Variants in PREB observed in about 807,000 individuals in gnomAD.
PREB encodes guanine nucleotide-exchange factor SEC12.
Under a neutral mutation model 46.7 loss-of-function variants are expected in PREB, and 29 were observed. The observed-to-expected ratio is 0.62, with a 90% confidence interval of 0.46 to 0.85. The LOEUF is 0.85. Among genes scored for constraint, PREB ranks in the 40% least tolerant of loss-of-function variants. PREB has a pLI of 0.00. For synonymous variants in PREB, 224 were observed against 220.1 expected (o/e 1.02, Z -0.16); for missense variants, 494 against 528.4 (o/e 0.93, Z 0.64).
In PREB at chr2:27,132,290, T is replaced by C. The variant is rs1174136986; in HGVS notation, c.866A>G (p.Asn289Ser). Residue 289 changes from asparagine (N) to serine (S), a missense_variant, in exon 6 of 9, where the codon AAC (asparagine) becomes AGC (serine). Physicochemically the swap from Asn to Ser is conservative, Grantham distance 46. Coordinates refer to ENST00000260643, the MANE Select transcript of PREB (RefSeq NM_013388.6). The surrounding 1 kb of genome is among the most constrained non-coding windows in gnomAD (Gnocchi z 4.0). Reference protein sequence around the residue: ...PCYLTAWDGSNFLPLRTKSCG... With the variant: ...PCYLTAWDGSSFLPLRTKSCG... ...GGACTTGGTCCGAAGGGGCAAGAAG[T>C]TGGAGCCATCCCAGGCTGTGAGGTA... is the stretch of plus-strand genomic sequence containing the variant. The C allele has an allele frequency of 6.2e-7, 1 of 1,614,108 alleles. No individual in the cohort carries two copies. Among genetic ancestry groups the C allele is most frequent in the South Asian group, 1.1e-5 (1 of 91,080 alleles).
At position 27,132,682 on chromosome 2, in the gene PREB, C is replaced by G. The variant is rs532426126; in HGVS notation, c.673G>C (p.Asp225His). 8 of 1,614,082 alleles carry G rather than the reference C, an allele frequency of 5.0e-6. No individual in the cohort carries two copies. The South Asian group carries it at 7.7e-5, about 16-fold the overall frequency. Residue 225 changes from aspartate (D) to histidine (H), a missense_variant, in exon 5 of 9, where the codon GAT becomes CAT. Transcript: ENST00000260643. This position sits in a 1 kb window ranked among gnomAD's most constrained non-coding sequence, Gnocchi z 4.0. ...RDLKASVWQK[D>H]QLVTQLHWQE... Reference sequence around the variant, plus strand: ...CAGTGCAGCTGTGTCACCAGCTGATCCTTCTGCCACACAGAGGCCTTAAGG... The same window carrying G: ...CAGTGCAGCTGTGTCACCAGCTGATGCTTCTGCCACACAGAGGCCTTAAGG...
chr2:27,134,600 C>T lies in PREB; in HGVS notation c.-179G>A. Reference sequence around the variant, plus strand: ...CCATCAGCAGGAAGCCGAGCCTCAGCTCGGCTCCGTCCAAGTCGGTCTCGC... The same window carrying T: ...CCATCAGCAGGAAGCCGAGCCTCAGTTCGGCTCCGTCCAAGTCGGTCTCGC... On this transcript the variant is annotated 5_prime_UTR_variant, in exon 1 of 9. Transcript: ENST00000260643. The T allele has an allele frequency of 3.0e-6, 4 of 1,338,302 alleles. No individual in the cohort carries two copies. Among genetic ancestry groups the T allele is most frequent in the East Asian group, 3.0e-5 (1 of 32,838 alleles). 82.9% of individuals were successfully genotyped at this position (1,338,302 alleles called of 1,614,324 possible).
At chr2:27,131,886 G>A (rs1672292097) in intron 7 of PREB, 55 bp from the exon 8 acceptor site, 5 of 1,599,828 alleles carry the variant, frequency 3.1e-6, no homozygotes, top group Non-Finnish European at 4.3e-6. Context: ...CTCTCTTTCT[G>A]GAAAGCATGT....
chr2:27,131,612 G>A lies in PREB; in HGVS notation c.1159+60C>T, dbSNP rs1404312261. Reference sequence around the variant, plus strand: ...GGCACAAAGAGCCCAGCCTCCGGGGGGCACGTTTCTGGTCATTAAACGTGG... The same window carrying A: ...GGCACAAAGAGCCCAGCCTCCGGGGAGCACGTTTCTGGTCATTAAACGTGG... On this transcript the variant is annotated intron_variant, in intron 8 of 8. Transcript: ENST00000260643. 16 of 1,599,654 alleles carry A rather than the reference G, an allele frequency of 1.0e-5. No individual in the cohort carries two copies. In the African/African-American group the frequency reaches 1.6e-4, roughly 16 times the overall value.
Position 27,130,990 on chromosome 2 carries a change from A to T in PREB, c.*424T>A. On this transcript the variant is annotated 3_prime_UTR_variant, in exon 9 of 9. Coordinates refer to ENST00000260643, the MANE Select transcript of PREB (RefSeq NM_013388.6). ...TACCAGGCCAGTCCCTTCCCCAGCA[A>T]ATGCCAGGGGCTTCATGTGAAGAGG... The T allele has an allele frequency of 1.8e-6, 1 of 565,698 alleles. No homozygotes were observed. Among genetic ancestry groups the T allele is most frequent in the Non-Finnish European group, 3.1e-6 (1 of 317,638 alleles). 35.0% of individuals were successfully genotyped at this position (565,698 alleles called of 1,614,324 possible). A position where few individuals can be genotyped will look rare whatever the true frequency, so the allele number is the denominator to read the frequency against.
Position 27,132,725 on chromosome 2 carries a change from C to T in PREB, c.630G>A (p.Leu210=), listed in dbSNP as rs759543609. 2.4e-5 allele frequency: 39 copies of T among 1,614,046 alleles called. No homozygotes were observed. Among genetic ancestry groups the T allele is most frequent in the Non-Finnish European group, 3.3e-5 (39 of 1,180,028 alleles). Reference sequence around the variant, plus strand: ...CCTTAAGGTCCCGGCCCACGGTTACCAACTAGTTAGGAATAAAGATTCCAA... The same window carrying T: ...CCTTAAGGTCCCGGCCCACGGTTACTAACTAGTTAGGAATAAAGATTCCAA... ...EDLALGPDGK[L]VTVGRDLKAS... Residue 210 remains leucine, a splice_region_variant and synonymous_variant, in exon 5 of 9, where the codon TTG becomes TTA. Coordinates refer to ENST00000260643, the MANE Select transcript of PREB (RefSeq NM_013388.6). This position sits in a 1 kb window ranked among gnomAD's most constrained non-coding sequence, Gnocchi z 4.0.
At chr2:27,133,869 A>T in intron 1 of PREB, 148 bp from the exon 2 acceptor site, 2 of 633,226 alleles carry the variant, frequency 3.2e-6, no homozygotes, top group South Asian at 2.7e-5. Flanking sequence ...GGGCCTCACA[A>T]ATCTACACAG....
rs1239448614 is a variant in PREB, at chr2:27,132,465, G to C, written c.753-62C>G. The C allele has an allele frequency of 6.3e-7, 1 of 1,591,164 alleles. No individual in the cohort carries two copies. Among genetic ancestry groups the C allele is most frequent in the Non-Finnish European group, 8.6e-7 (1 of 1,167,570 alleles). On this transcript the variant is annotated intron_variant, in intron 5 of 8. Transcript: ENST00000260643. The surrounding 1 kb of genome is among the most constrained non-coding windows in gnomAD (Gnocchi z 4.0). ...CCTGCCCAACCCTCCTCAGAGGTTT[G>C]TGCACCACCTGCACCCTGGTCAGAC...
chr2:27,132,961 CA>C lies in PREB; in HGVS notation c.547-39del. 1 of 1,610,304 alleles carries C rather than the reference CA, an allele frequency of 6.2e-7. No individual in the cohort carries two copies. Among genetic ancestry groups the C allele is most frequent in the Non-Finnish European group, 8.5e-7 (1 of 1,176,822 alleles). ...AACCACCATGGTTAACTCAGGTGTCCAGCAAGTACACTGTGACTGATGCCCA... is the reference window on the plus strand; with the variant it reads ...AACCACCATGGTTAACTCAGGTGTCCGCAAGTACACTGTGACTGATGCCCA... On this transcript the variant is annotated intron_variant, in intron 3 of 8. Transcript: ENST00000260643. This position sits in a 1 kb window ranked among gnomAD's most constrained non-coding sequence, Gnocchi z 4.0.
rs1220854647 is a variant in PREB at position 27,132,822 on chromosome 2, C to T, written c.627+21G>A. 1 of 1,613,882 alleles carries T rather than the reference C, an allele frequency of 6.2e-7. No individual in the cohort carries two copies. Among genetic ancestry groups the T allele is most frequent in the Non-Finnish European group, 8.5e-7 (1 of 1,179,838 alleles). Reference sequence around the variant, plus strand: ...CCTCCTCTCTCCTTTCTCCATCCTCCTCCCACCCCCAGCCCCTCACCTTGC... The same window carrying T: ...CCTCCTCTCTCCTTTCTCCATCCTCTTCCCACCCCCAGCCCCTCACCTTGC... On this transcript the variant is annotated intron_variant, in intron 4 of 8. Coordinates refer to ENST00000260643, the MANE Select transcript of PREB (RefSeq NM_013388.6). The surrounding 1 kb of genome is among the most constrained non-coding windows in gnomAD (Gnocchi z 4.0).
intron 2 of PREB, 80 bp downstream of exon 2, chr2:27,133,452 G>T: frequency 6.3e-7 from 1 of 1,593,024 alleles, no homozygotes; most frequent in South Asian, 1.1e-5. Context: ...CCTACTTCCA[G>T]ACCCACTTCT....
Position 27,132,117 on chromosome 2 carries a change from G to A in PREB, c.927-35C>T. On this transcript the variant is annotated intron_variant, in intron 6 of 8. Transcript: ENST00000260643. This position sits in a 1 kb window ranked among gnomAD's most constrained non-coding sequence, Gnocchi z 4.0. Reference sequence around the variant, plus strand: ...ACAATAAAGAGCTCATTGTCCTGGAGGCTTGTGCAGCAACCCTCATACCCC... The same window carrying A: ...ACAATAAAGAGCTCATTGTCCTGGAAGCTTGTGCAGCAACCCTCATACCCC... The A allele has an allele frequency of 2.5e-6, 4 of 1,611,930 alleles. No individual in the cohort carries two copies. The South Asian group carries it at 3.3e-5, about 13-fold the overall frequency.
At position 27,133,166 on chromosome 2, in the gene PREB, T is replaced by C; in HGVS notation, c.497A>G (p.Asn166Ser). ...LQKVVCFNHD[N>S]TLLATGGTDG... ...TGTTCCTCCAGTGGCAAGCAGGGTA[T>C]TATCGTGGTTGAAGCACACAACTTT... The change falls in exon 3 of 9, where the codon AAT becomes AGT. Residue 166 changes from asparagine to serine, a missense_variant. Coordinates refer to ENST00000260643, the MANE Select transcript of PREB (RefSeq NM_013388.6). 2 of 1,614,210 alleles carry C rather than the reference T, an allele frequency of 1.2e-6. No individual in the cohort carries two copies. The highest frequency in any genetic ancestry group is 1.7e-6 in the Non-Finnish European group (2 of 1,180,028).
At position 27,132,475 on chromosome 2, in the gene PREB, T is replaced by G. The variant is rs185623205; in HGVS notation, c.753-72A>C. On this transcript the variant is annotated intron_variant, in intron 5 of 8. Coordinates refer to ENST00000260643, the MANE Select transcript of PREB (RefSeq NM_013388.6). This position sits in a 1 kb window ranked among gnomAD's most constrained non-coding sequence, Gnocchi z 4.0. ...CCTCCTCAGAGGTTTGTGCACCACC[T>G]GCACCCTGGTCAGACCTGGGGTAAC... 516 of 1,589,672 alleles carry G rather than the reference T, an allele frequency of 3.2e-4. 2 individuals are homozygous for G. In the Admixed American group the frequency reaches 8.6e-3, roughly 26 times the overall value.
rs1245363698 is a variant in PREB, at chr2:27,132,837, C to A, written c.627+6G>T. The A allele has an allele frequency of 5.0e-6, 8 of 1,614,080 alleles. No homozygotes were observed. The highest frequency in any genetic ancestry group is 6.8e-6 in the Non-Finnish European group (8 of 1,179,974). On this transcript the variant is annotated splice_donor_region_variant and intron_variant, in intron 4 of 8. Transcript: ENST00000260643. The surrounding 1 kb of genome is among the most constrained non-coding windows in gnomAD (Gnocchi z 4.0). ...CTCCATCCTCCTCCCACCCCCAGCC[C>A]CTCACCTTGCCATCAGGCCCTAAAG...
At chr2:27,134,255 AAGACCC>A in intron 1 of PREB, 26 bp downstream of exon 1, 1 of 1,554,374 alleles carries the variant, frequency 6.4e-7, no homozygotes, top group South Asian at 1.2e-5. Flanking sequence ...AGCCCGCAGC[AAGACCC>A]AGCCCCAGTG....
chr2:27,131,663 A>G lies in PREB; in HGVS notation c.1159+9T>C, dbSNP rs772165161. On this transcript the variant is annotated intron_variant, in intron 8 of 8. Coordinates refer to ENST00000260643, the MANE Select transcript of PREB (RefSeq NM_013388.6). ...GGTGGTGCCTGCCTGCCCTGCCCCA[A>G]TGACTCACGCCGTGAGGGCAACAGA... 22 of 1,613,508 alleles carry G rather than the reference A, an allele frequency of 1.4e-5. 1 individual carries two copies. The highest frequency in any genetic ancestry group is 8.9e-5 in the East Asian group (4 of 44,880).
chr2:27,130,983 C>CTGG lies in PREB; in HGVS notation c.*430_*431insCCA. On this transcript the variant is annotated 3_prime_UTR_variant, in exon 9 of 9. Coordinates refer to ENST00000260643, the MANE Select transcript of PREB (RefSeq NM_013388.6). ...CAGCAAGTACCAGGCCAGTCCCTTC[C>CTGG]CCAGCAAATGCCAGGGGCTTCATGT... is the stretch of plus-strand genomic sequence containing the variant. The CTGG allele has an allele frequency of 1.7e-6, 1 of 575,382 alleles. No homozygotes were observed. Among genetic ancestry groups the CTGG allele is most frequent in the Non-Finnish European group, 3.1e-6 (1 of 324,366 alleles). 35.6% of individuals were successfully genotyped at this position (575,382 alleles called of 1,614,324 possible).
chr2:27,134,158 A>C, intron 1 of PREB, 129 bp downstream of exon 1: 1 of 1,246,226 alleles, frequency 8.0e-7, no homozygotes, highest in African/African-American at 1.6e-5. Flanking sequence ...GCGTCAGGCA[A>C]GCGGGTCTTC....
Sources: allele counts gnomAD v4.1 joint callset, GRCh38; gene constraint gnomAD v4.1.1; non-coding constraint Gnocchi (gnomAD v3.1); transcripts MANE v1.5; gene names NCBI Gene and HGNC (gene_info 2026-07-23, HGNC 2026-07-21).